TRIP12: variants seen among roughly 807,000 people sequenced by gnomAD.
The protein encoded by TRIP12 is E3 ubiquitin-protein ligase TRIP12.
In TRIP12, 25 loss-of-function variants were observed where a neutral mutation model predicts 244.2. That is an observed-to-expected ratio of 0.10 (90% CI 0.07 to 0.14). TRIP12 has a LOEUF of 0.14. TRIP12 is among the 10% of genes least tolerant of loss of function. The pLI, the probability that TRIP12 is intolerant of heterozygous loss-of-function variation, is 1.00. For synonymous variants in TRIP12, 905 were observed against 873.1 expected (o/e 1.04, Z -0.64); for missense variants, 1,677 against 2,486.4 (o/e 0.67, Z 6.92).
At chr2:229,785,679 T>C (rs2039801132) in intron 34 of TRIP12, 78 bp downstream of exon 34, 11 of 1,324,772 alleles carry the variant, frequency 8.3e-6, no homozygotes, top group African/African-American at 2.9e-5. Context: ...CAGAATTTCA[T>C]AGTACCAAGA....
chr2:229,856,377 A>G (rs1256867792), intron 4 of TRIP12, among the ~76,000 whole-genome samples: 1 of 152,236 alleles, frequency 6.6e-6, no homozygotes, highest in African/African-American at 2.4e-5. Context: ...GCAAAATGAC[A>G]CTGCCAAAAC....
At chr2:229,837,406 A>G (rs1274595113) in intron 5 of TRIP12, among the ~76,000 whole-genome samples, 2 of 152,132 alleles carry the variant, frequency 1.3e-5, no homozygotes, top group Non-Finnish European at 2.9e-5. Flanking sequence ...AGGCTGAGGC[A>G]GGTGGATCAC....
Position 229,789,659 on chromosome 2 carries a change from A to C in TRIP12, c.4647T>G (p.Leu1549=), listed in dbSNP as rs1421616072. Residue 1549 remains leucine, a synonymous_variant, in exon 31 of 42, where the codon CTT becomes CTG. Transcript: ENST00000675903. ...FEDPSLDVIL[L]LRVLHAISRY... The stretch of plus-strand genomic sequence containing the variant: ...GACTGATAGCATGTAAAACTCTTAA[A>C]AGAAGGATCACATCTAATGACGGGT... 1 of 1,614,050 alleles carries C rather than the reference A, an allele frequency of 6.2e-7. No homozygotes were observed. Among genetic ancestry groups the C allele is most frequent in the South Asian group, 1.1e-5 (1 of 91,082 alleles).
chr2:229,915,398 T>C (rs2075185213), intron 1 of TRIP12, among the ~76,000 whole-genome samples: 1 of 152,240 alleles, frequency 6.6e-6, no homozygotes, highest in Non-Finnish European at 1.5e-5. Context: ...AAATATATAC[T>C]GACTAAAAGT....
Position 229,768,553 on chromosome 2 carries a change from A to C in TRIP12, c.6007+63T>G, listed in dbSNP as rs901466156. 1.7e-5 allele frequency: 25 copies of C among 1,455,268 alleles called. No individual in the cohort carries two copies. In the African/African-American group the frequency reaches 3.4e-4, roughly 20 times the overall value. The allele number at this position is 1,455,268 out of a possible 1,614,324, so 90.1% of individuals were successfully genotyped here. A position where few individuals can be genotyped will look rare whatever the true frequency, so the allele number is the denominator to read the frequency against. ...AAGAATCTCCTGCTGATGGTACTGA[A>C]GTTTCACACTCACAAACCCACCCAT... On this transcript the variant is annotated intron_variant, in intron 41 of 41. Transcript: ENST00000675903.
chr2:229,860,679 T>A, intron 2 of TRIP12, 148 bp from the exon 3 acceptor site: 2 of 856,896 alleles, frequency 2.3e-6, no homozygotes, highest in Non-Finnish European at 3.2e-6. Flanking sequence ...AAATTTTAAT[T>A]ATTATTCTAC....
intron 4 of TRIP12, among the ~76,000 whole-genome samples, chr2:229,854,656 T>C (rs2059289154): frequency 6.6e-6 from 1 of 152,246 alleles, no homozygotes; most frequent in South Asian, 2.1e-4. Flanking sequence ...GAGACAATCA[T>C]AAAATACCAC....
intron 31 of TRIP12, 44 bp downstream of exon 31, chr2:229,789,567 A>G (rs1356195947): frequency 1.7e-5 from 27 of 1,582,776 alleles, no homozygotes; most frequent in Non-Finnish European, 2.2e-5. Context: ...GAAATTTATC[A>G]ATCACAGACC....
chr2:229,900,337 T>C (rs1248205347), intron 1 of TRIP12, among the ~76,000 whole-genome samples: 1 of 152,208 alleles, frequency 6.6e-6, no homozygotes, highest in African/African-American at 2.4e-5. Context: ...AGTGACACTA[T>C]CATAACCAAC....
chr2:229,821,670 A>G (rs765906669), intron 8 of TRIP12, among the ~76,000 whole-genome samples: 3 of 152,310 alleles, frequency 2.0e-5, no homozygotes, highest in Middle Eastern at 3.4e-3. Flanking sequence ...CCCATTCTTA[A>G]GAGTACACAG....
intron 6 of TRIP12, among the ~76,000 whole-genome samples, chr2:229,834,860 A>T (rs540552407): frequency 3.9e-5 from 6 of 152,214 alleles, no homozygotes; most frequent in Admixed American, 1.3e-4. Context: ...CATTTCTTAC[A>T]TGAAGAGCTA....
At chr2:229,787,388 G>T in intron 33 of TRIP12, 117 bp downstream of exon 33, 1 of 1,040,798 alleles carries the variant, frequency 9.6e-7, no homozygotes. Flanking sequence ...AATAGGGCTA[G>T]CTGAATATGA....
At chr2:229,820,162 A>G (rs2049652963) in intron 8 of TRIP12, among the ~76,000 whole-genome samples, 1 of 152,222 alleles carries the variant, frequency 6.6e-6, no homozygotes. Flanking sequence ...CTTTAAAAGG[A>G]TTAAACAGTT....
rs1157793506 is a variant in TRIP12 at position 229,792,028 on chromosome 2, C to T, written c.4253G>A (p.Arg1418Lys). 6.2e-7 allele frequency: 1 copy of T among 1,613,994 alleles called. No individual in the cohort carries two copies. Among genetic ancestry groups the T allele is most frequent in the Admixed American group, 1.7e-5 (1 of 60,006 alleles). The change falls in exon 29 of 42, where the codon AGG becomes AAG. Residue 1418 changes from arginine to lysine, a missense_variant. By Grantham distance (26) the Arg-to-Lys change is conservative (BLOSUM62 2). Coordinates refer to ENST00000675903, the MANE Select transcript of TRIP12 (RefSeq NM_001348323.3). ...ATGTTCTCCAATATAAAACTGCAGCCTGTGTCTTACATTTCCTGAATTTAG... is the reference window on the plus strand; with the variant it reads ...ATGTTCTCCAATATAAAACTGCAGCTTGTGTCTTACATTTCCTGAATTTAG... ...QFLNSGNVRH[R>K]LQFYIGEHLL...
At chr2:229,844,664 T>C (rs548003445) in intron 4 of TRIP12, among the ~76,000 whole-genome samples, 2 of 152,166 alleles carry the variant, frequency 1.3e-5, no homozygotes, top group Non-Finnish European at 1.5e-5. Context: ...CAAACATCAA[T>C]GTCAATGTAT....
intron 2 of TRIP12, among the ~76,000 whole-genome samples, chr2:229,867,171 G>GTTTTTTTTTTTTTTT (rs11335613): frequency 8.1e-6 from 1 of 123,536 alleles, no homozygotes; most frequent in African/African-American, 3.0e-5. Context: ...TTGTTTGTTT[G>GTTTTTTTTTTTTTTT]TTTTTTTTTT....
intron 2 of TRIP12, among the ~76,000 whole-genome samples, chr2:229,874,340 T>G (rs1285634843): frequency 1.3e-5 from 2 of 152,178 alleles, no homozygotes; most frequent in African/African-American, 4.8e-5. Context: ...GTATTAGAAG[T>G]ATTAAATTGG....
At chr2:229,865,177 T>C (rs796459880) in intron 2 of TRIP12, among the ~76,000 whole-genome samples, 5 of 151,826 alleles carry the variant, frequency 3.3e-5, no homozygotes, top group African/African-American at 1.2e-4. Context: ...CAGGGTGTAG[T>C]GGTACACACC....
At chr2:229,799,111 A>AT in intron 22 of TRIP12, 62 bp from the exon 23 acceptor site, 1 of 1,586,110 alleles carries the variant, frequency 6.3e-7, no homozygotes, top group Non-Finnish European at 8.6e-7. Flanking sequence ...AAAACAACTG[A>AT]TTTTTAAGAT....
Sources: allele counts gnomAD v4.1 joint callset (sites outside exome capture counted in the v4.1 genomes callset), GRCh38; gene constraint gnomAD v4.1.1; transcripts MANE v1.5; gene names NCBI Gene and HGNC (gene_info 2026-07-23, HGNC 2026-07-21).